The following DNAH1 variants were observed in gnomAD, a reference collection of about 807,000 sequenced individuals.
The protein encoded by DNAH1 is axonemal beta dynein heavy chain 1.
Under a neutral mutation model 484.3 loss-of-function variants are expected in DNAH1, and 327 were observed. The ratio of observed to expected loss-of-function variants is 0.68; its 90% CI spans 0.62 to 0.74. The LOEUF (loss-of-function observed/expected upper bound fraction) is 0.74. Ranked by LOEUF, DNAH1 falls within the 30% of genes least tolerant of loss-of-function variation. The pLI is 0.00. For missense variants in DNAH1, 5,052 were observed against 5,546.8 expected, an observed-to-expected ratio of 0.91 and a Z score of 2.83; for synonymous variants, 2,192 against 2,191.9, an observed-to-expected ratio of 1.00 and a Z score of 0.00.
chr3:52,343,485 G>T (rs970070016), intron 8 of DNAH1, among the ~76,000 whole-genome samples: 10 of 152,148 alleles, frequency 6.6e-5, no homozygotes, highest in African/African-American at 2.4e-4. Context: ...GTGAGGGAGG[G>T]TGTGTCTGTG....
chr3:52,390,988 G>T lies in DNAH1; in HGVS notation c.9675G>T (p.Gln3225His), dbSNP rs542213807. 7.1e-6 allele frequency: 11 copies of T among 1,553,350 alleles called. No individual in the cohort carries two copies. The highest frequency in any genetic ancestry group is 9.6e-6 in the Non-Finnish European group (11 of 1,148,002). The change falls in exon 61 of 78, where the codon CAG becomes CAT. Residue 3225 changes from glutamine to histidine, a missense_variant. Transcript: ENST00000420323. The stretch of plus-strand genomic sequence containing the variant: ...CAGTGGAGAACGGGGTCATCAACCA[G>T]TTTTCCCAGCGCTGGACCCACTTCA... ...TLSVENGVINQFSQRWTHFID... is the reference protein window; with the variant it reads ...TLSVENGVINHFSQRWTHFID...
At chr3:52,329,796 G>T (rs1218339266) in intron 6 of DNAH1, among the ~76,000 whole-genome samples, 1 of 151,328 alleles carries the variant, frequency 6.6e-6, no homozygotes, top group Non-Finnish European at 1.5e-5. Flanking sequence ...TTGCACTCCA[G>T]CCTGGGCAAC....
In DNAH1 at chr3:52,361,327, G is replaced by A. The variant is rs759541138; in HGVS notation, c.4849G>A (p.Gly1617Ser). 1 of 1,598,456 alleles carries A rather than the reference G, an allele frequency of 6.3e-7. No individual in the cohort carries two copies. Among genetic ancestry groups the A allele is most frequent in the Admixed American group, 1.7e-5 (1 of 57,662 alleles). Residue 1617 changes from glycine to serine, a missense_variant, in exon 29 of 78, where the codon GGC (glycine) becomes AGC (serine). Gly to Ser is a moderately conservative substitution (Grantham distance 56). Transcript: ENST00000420323. This position sits in a 1 kb window ranked among gnomAD's most constrained non-coding sequence, Gnocchi z 5.6. ...TGACCAGCTCGACTTCATGGCCATG[G>A]GCAAGTTCTTCAAGGGCCTGGCCAG... ...CSDQLDFMAM[G>S]KFFKGLASAG... is the part of the protein sequence containing the mutation.
In DNAH1 at chr3:52,355,633, A is replaced by T. The variant is rs2153224143; in HGVS notation, c.3693+578A>T. Among the ~76,000 whole-genome samples, 2 of 152,310 alleles carry T rather than the reference A, an allele frequency of 1.3e-5. No individual in the cohort carries two copies. The highest frequency in any genetic ancestry group is 4.8e-5 in the African/African-American group (2 of 41,574). ...ATCCCCTTCCCCGGGCCTCCCTGAT[A>T]GCTGCTCAGAGACCTCCGGCGAAGG... On this transcript the variant is annotated intron_variant, in intron 21 of 77. Coordinates refer to ENST00000420323, the MANE Select transcript of DNAH1 (RefSeq NM_015512.5). This position sits in a 1 kb window ranked among gnomAD's most constrained non-coding sequence, Gnocchi z 4.5.
chr3:52,397,406 T>TG (rs1704684224), intron 73 of DNAH1, among the ~76,000 whole-genome samples: 1 of 151,834 alleles, frequency 6.6e-6, no homozygotes, highest in Non-Finnish European at 1.5e-5. Context: ...GAGCCAGGGC[T>TG]GGGTTGTGTG....
intron 74 of DNAH1, 70 bp from the exon 75 acceptor site, chr3:52,397,961 TA>T: frequency 6.3e-7 from 1 of 1,584,288 alleles, no homozygotes; most frequent in East Asian, 2.2e-5. Flanking sequence ...GAAGGACCCC[TA>T]TGCATGTGGA....
chr3:52,340,623 C>T (rs145013547), intron 8 of DNAH1, among the ~76,000 whole-genome samples: 9 of 151,422 alleles, frequency 5.9e-5, no homozygotes, highest in Admixed American at 2.6e-4. Context: ...TTAGTAGAGA[C>T]GGGGCTTCAC....
At position 52,375,308 on chromosome 3, in the gene DNAH1, A is replaced by G. The variant is rs763774536; in HGVS notation, c.7054A>G (p.Thr2352Ala). Reference sequence around the variant, plus strand: ...GGGCCCCCCGGGTGGAGGCAGGAACACCGTCACCCCGCGGCTGATGCGTCA... The same window carrying G: ...GGGCCCCCCGGGTGGAGGCAGGAACGCCGTCACCCCGCGGCTGATGCGTCA... ...AMGPPGGGRNTVTPRLMRHFN... is the reference protein window; with the variant it reads ...AMGPPGGGRNAVTPRLMRHFN... The change falls in exon 45 of 78, where the codon ACC becomes GCC. Residue 2352 changes from threonine (T) to alanine (A), a missense_variant. Physicochemically the swap from Thr to Ala is moderately conservative, Grantham distance 58. Transcript: ENST00000420323. The G allele has an allele frequency of 6.2e-7, 1 of 1,612,814 alleles. No homozygotes were observed. The highest frequency in any genetic ancestry group is 8.5e-7 in the Non-Finnish European group (1 of 1,179,472).
rs1203038625 is a variant in DNAH1, at chr3:52,361,906, C to T, written c.4980+140C>T. On this transcript the variant is annotated intron_variant, in intron 30 of 77. Coordinates refer to ENST00000420323, the MANE Select transcript of DNAH1 (RefSeq NM_015512.5). This position sits in a 1 kb window ranked among gnomAD's most constrained non-coding sequence, Gnocchi z 5.6. ...TCTTGTCCCGGGGGCACACCCTAAC[C>T]CCAGTCTGTGGGCAGCTCCCAGGCC... 1.1e-6 allele frequency: 1 copy of T among 905,540 alleles called. No individual in the cohort carries two copies. Among genetic ancestry groups the T allele is most frequent in the Non-Finnish European group, 1.7e-6 (1 of 602,298 alleles). 56.1% of individuals were successfully genotyped at this position (905,540 alleles called of 1,614,324 possible).
chr3:52,370,498 G>A lies in DNAH1; in HGVS notation c.6280G>A (p.Glu2094Lys), dbSNP rs758722352. ...PREGLKKIPS[E>K]KLSRIVELIE... Reference sequence around the variant, plus strand: ...CCAGGGCCTCAAGAAAATACCCTCTGAAAAGCTGAGTCGCATCGTAGAGTT... The same window carrying A: ...CCAGGGCCTCAAGAAAATACCCTCTAAAAAGCTGAGTCGCATCGTAGAGTT... Residue 2094 changes from glutamate to lysine, a missense_variant, in exon 40 of 78, where the codon GAA (glutamate) becomes AAA (lysine). Glu to Lys is a moderately conservative substitution (Grantham distance 56). Around this residue, in one of 4 missense-constraint regions of DNAH1, gnomAD observed 2,929 missense variants for 3,409.4 expected, o/e 0.86. Transcript: ENST00000420323. 1 of 1,613,980 alleles carries A rather than the reference G, an allele frequency of 6.2e-7. No individual in the cohort carries two copies. Among genetic ancestry groups the A allele is most frequent in the East Asian group, 2.2e-5 (1 of 44,884 alleles).
In DNAH1 at chr3:52,366,451, C is replaced by T; in HGVS notation, c.5519-6C>T. On this transcript the variant is annotated splice_region_variant and splice_polypyrimidine_tract_variant and intron_variant, in intron 34 of 77. Coordinates refer to ENST00000420323, the MANE Select transcript of DNAH1 (RefSeq NM_015512.5). ...TGACCCTTGGGCCCCATGCCATGTC[C>T]CCCAGGCTTCCTGACAAAGTGCATC... 3 of 1,586,266 alleles carry T rather than the reference C, an allele frequency of 1.9e-6. No individual in the cohort carries two copies. Among genetic ancestry groups the T allele is most frequent in the South Asian group, 2.3e-5 (2 of 86,250 alleles).
Position 52,396,463 on chromosome 3 carries a change from G to A in DNAH1, c.11355G>A (p.Pro3785=), listed in dbSNP as rs955033804. 2.2e-5 allele frequency: 35 copies of A among 1,599,964 alleles called. No individual in the cohort carries two copies. The highest frequency in any genetic ancestry group is 3.0e-5 in the Non-Finnish European group (35 of 1,173,636). The part of the protein sequence containing the change: ...LQNGSKMTIE[P]PRGVRANLLK... ...ACGGCTCCAAGATGACCATTGAGCC[G>A]CCACGCGGTGTCAGGGCCAACCTGC... Residue 3785 remains proline (P), a synonymous_variant, in exon 71 of 78, where the codon CCG becomes CCA. Coordinates refer to ENST00000420323, the MANE Select transcript of DNAH1 (RefSeq NM_015512.5).
rs1553638632 is a variant in DNAH1, at chr3:52,375,360, T to C, written c.7106T>C (p.Met2369Thr). The part of the protein sequence containing the change: ...RHFNYLSFAE[M>T]DEVSKKRIFS... The stretch of plus-strand genomic sequence containing the variant: ...TTCAACTACCTGTCTTTCGCTGAGA[T>C]GGACGAGGTCAGCAAGAAACGCATC... Residue 2369 changes from methionine to threonine, a missense_variant, in exon 45 of 78, where the codon ATG (methionine) becomes ACG (threonine). Around this residue, in one of 4 missense-constraint regions of DNAH1, gnomAD observed 2,929 missense variants for 3,409.4 expected, o/e 0.86. Coordinates refer to ENST00000420323, the MANE Select transcript of DNAH1 (RefSeq NM_015512.5). The C allele has an allele frequency of 1.9e-6, 3 of 1,613,656 alleles. No individual in the cohort carries two copies. The highest frequency in any genetic ancestry group is 2.2e-5 in the East Asian group (1 of 44,894).
rs749208063 is a variant in DNAH1, at chr3:52,394,620, C to T, written c.10782C>T (p.Leu3594=). 31 of 1,595,620 alleles carry T rather than the reference C, an allele frequency of 1.9e-5. No individual in the cohort carries two copies. The highest frequency in any genetic ancestry group is 1.7e-4 in the Middle Eastern group (1 of 6,010). Residue 3594 remains leucine (L), a synonymous_variant, in exon 67 of 78, where the codon CTC becomes CTT. Transcript: ENST00000420323. ...TCTCTTCCGACTTCGTGAAGCACCT[C>T]TCAGAATTCCGGGTCATCTTCGACA... The part of the protein sequence containing the change: ...SSFSSDFVKH[L]SEFRVIFDSL...
At chr3:52,323,967 C>A in intron 3 of DNAH1, 87 bp downstream of exon 3, 1 of 1,015,824 alleles carries the variant, frequency 9.8e-7, no homozygotes. Context: ...CTTTTCTTGG[C>A]TGTGGGCCCC....
chr3:52,349,484 C>T, intron 14 of DNAH1, 64 bp downstream of exon 14: 1 of 1,454,140 alleles, frequency 6.9e-7, no homozygotes, highest in South Asian at 1.2e-5. Flanking sequence ...CACACACGGA[C>T]CCTCACATAC....
At chr3:52,335,851 C>G (rs371394867) in intron 8 of DNAH1, among the ~76,000 whole-genome samples, 1 of 150,978 alleles carries the variant, frequency 6.6e-6, no homozygotes. Context: ...TCAGGCGGGT[C>G]TCAAATTCCT....
In DNAH1 at chr3:52,349,064, C is replaced by G. The variant is rs1014586013; in HGVS notation, c.2283C>G (p.Asp761Glu). 1.2e-5 allele frequency: 20 copies of G among 1,612,890 alleles called. No individual in the cohort carries two copies. Among genetic ancestry groups the G allele is most frequent in the Non-Finnish European group, 1.6e-5 (19 of 1,179,902 alleles). The change falls in exon 13 of 78, where the codon GAC becomes GAG. Residue 761 changes from aspartate to glutamate, a missense_variant. By Grantham distance (45) the Asp-to-Glu change is conservative. This residue lies in a region of DNAH1 where 1,263 missense variants were observed against 1,218.8 expected (regional missense o/e 1.04). Transcript: ENST00000420323. Reference sequence around the variant, plus strand: ...AGTACCTGGAGCTGAACAACAATGACATTGCCTCCTTTCTCAAGTGCGTAC... The same window carrying G: ...AGTACCTGGAGCTGAACAACAATGAGATTGCCTCCTTTCTCAAGTGCGTAC... Reference protein sequence around the residue: ...YRKYLELNNNDIASFLKTYQT... With the variant: ...YRKYLELNNNEIASFLKTYQT...
At chr3:52,387,641 G>T (rs1209894472) in intron 56 of DNAH1, among the ~76,000 whole-genome samples, 2 of 152,200 alleles carry the variant, frequency 1.3e-5, no homozygotes, top group African/African-American at 4.8e-5. Flanking sequence ...CAAGTCAGGA[G>T]TGCTCAAGGC....
Sources: gnomAD v4.1 joint callset for allele counts (sites outside exome capture counted in the v4.1 genomes callset) on GRCh38, gnomAD v4.1.1 for gene constraint, gnomAD v4.1.1 regional missense constraint, Gnocchi (gnomAD v3.1) non-coding constraint, MANE v1.5 for transcripts, NCBI Gene and HGNC (gene_info 2026-07-23, HGNC 2026-07-21) for gene names.